Variants in NIBAN1 observed in about 807,000 individuals in gnomAD.
NIBAN1 encodes the protein protein Niban 1.
Under a neutral mutation model 75.1 loss-of-function variants are expected in NIBAN1, and 81 were observed. That is an observed-to-expected ratio of 1.08 (90% CI 0.90 to 1.30). The LOEUF (loss-of-function observed/expected upper bound fraction) is 1.30, where lower values mean the gene tolerates loss of function less well. Among genes scored for constraint, NIBAN1 ranks in the 50% most tolerant of loss-of-function variants. The pLI, the probability that NIBAN1 is intolerant of heterozygous loss-of-function variation, is 0.00. For synonymous variants in NIBAN1, 436 were observed against 424.8 expected (o/e 1.03, Z -0.32); for missense variants, 1,133 against 1,128.1 (o/e 1.00, Z -0.06).
rs771952483 is a variant in NIBAN1 at position 184,805,966 on chromosome 1, CCTT to C, written c.1423_1425del (p.Lys475del). 6.2e-7 allele frequency: 1 copy of C among 1,614,028 alleles called. No individual in the cohort carries two copies. The highest frequency in any genetic ancestry group is 8.5e-7 in the Non-Finnish European group (1 of 1,179,976). On this transcript the variant is annotated inframe_deletion, in exon 11 of 14. Transcript: ENST00000367511. Reference sequence around the variant, plus strand: ...TTTACCTTTAAGACTCGGAGTTTAACCTTCTCAATGGCAACTGCAGTTTTGGAG... The same window carrying C: ...TTTACCTTTAAGACTCGGAGTTTAACCTCAATGGCAACTGCAGTTTTGGAG...
At chr1:184,929,882 A>G (rs1657777907) in intron 1 of NIBAN1, among the ~76,000 whole-genome samples, 1 of 152,226 alleles carries the variant, frequency 6.6e-6, no homozygotes, top group Non-Finnish European at 1.5e-5. Flanking sequence ...TAAACATCAC[A>G]TTTCATCATC....
intron 1 of NIBAN1, among the ~76,000 whole-genome samples, chr1:184,947,434 C>T (rs902381487): frequency 1.1e-4 from 16 of 151,896 alleles, no homozygotes; most frequent in Non-Finnish European, 1.0e-4. Flanking sequence ...TTTATGTTGG[C>T]GATGATGAAA....
intron 1 of NIBAN1, among the ~76,000 whole-genome samples, chr1:184,905,654 C>T (rs576078170): frequency 2.2e-4 from 33 of 152,222 alleles, no homozygotes; most frequent in Non-Finnish European, 2.5e-4. Flanking sequence ...AGTCCCAACC[C>T]GAGTAGAAAC....
At position 184,920,144 on chromosome 1, in the gene NIBAN1, A is replaced by G. The variant is rs1657492513; in HGVS notation, c.56-20835T>C. On this transcript the variant is annotated intron_variant, in intron 1 of 13. Transcript: ENST00000367511. ...AAACCTACAAGACGTGTAAAAATGGAAAATCAAGGCTCTCATCTTAAGAAA... is the reference window on the plus strand; with the variant it reads ...AAACCTACAAGACGTGTAAAAATGGGAAATCAAGGCTCTCATCTTAAGAAA... 2.0e-5 allele frequency among the ~76,000 whole-genome samples: 3 copies of G among 152,174 alleles called. No homozygotes were observed. In the South Asian group the frequency reaches 6.2e-4, roughly 32 times the overall value.
intron 1 of NIBAN1, among the ~76,000 whole-genome samples, chr1:184,914,199 C>T (rs1445508864): frequency 6.6e-6 from 1 of 152,162 alleles, no homozygotes; most frequent in African/African-American, 2.4e-5. Flanking sequence ...TAAGTTGGTT[C>T]CACTACGTAT....
intron 5 of NIBAN1, among the ~76,000 whole-genome samples, chr1:184,845,138 T>C (rs1655401955): frequency 6.6e-6 from 1 of 152,216 alleles, no homozygotes; most frequent in Non-Finnish European, 1.5e-5. Context: ...GGAAAGCATT[T>C]TCCCATTGGG....
intron 5 of NIBAN1, among the ~76,000 whole-genome samples, chr1:184,870,054 T>A (rs905905574): frequency 2.6e-5 from 4 of 152,224 alleles, no homozygotes; most frequent in Non-Finnish European, 2.9e-5. Flanking sequence ...GTTTCTGGGC[T>A]CCTTTCCTCA....
At chr1:184,798,043 T>C (rs1332021822) in intron 13 of NIBAN1, 36 bp downstream of exon 13, 1 of 1,423,502 alleles carries the variant, frequency 7.0e-7, no homozygotes, top group African/African-American at 1.4e-5. Flanking sequence ...CTCCCCTCTA[T>C]GGAGTGTCCC....
chr1:184,914,141 C>G (rs1657320284), intron 1 of NIBAN1, among the ~76,000 whole-genome samples: 1 of 152,208 alleles, frequency 6.6e-6, no homozygotes, highest in Non-Finnish European at 1.5e-5. Context: ...GCTGGACTTA[C>G]AGTGGCACAA....
intron 6 of NIBAN1, among the ~76,000 whole-genome samples, chr1:184,826,515 A>C (rs1324712704): frequency 6.6e-6 from 1 of 152,178 alleles, no homozygotes; most frequent in Non-Finnish European, 1.5e-5. Context: ...ACATCTGCCG[A>C]AAGTGTGGTA....
At chr1:184,973,235 A>G (rs2102099101) in intron 1 of NIBAN1, among the ~76,000 whole-genome samples, 1 of 152,346 alleles carries the variant, frequency 6.6e-6, no homozygotes, top group African/African-American at 2.4e-5. Context: ...AATCTGTAAA[A>G]TCAGCTCCGT....
At chr1:184,952,245 A>G (rs1658375417) in intron 1 of NIBAN1, among the ~76,000 whole-genome samples, 1 of 152,154 alleles carries the variant, frequency 6.6e-6, no homozygotes, top group Non-Finnish European at 1.5e-5. Flanking sequence ...ACAAAAGAAA[A>G]TTGAAAAAAT....
chr1:184,952,938 T>C (rs949398963), intron 1 of NIBAN1, among the ~76,000 whole-genome samples: 1 of 152,178 alleles, frequency 6.6e-6, no homozygotes, highest in Non-Finnish European at 1.5e-5. Context: ...AAGTCTCAAC[T>C]CCATAAATTA....
chr1:184,900,335 C>T (rs1476366709), intron 1 of NIBAN1, among the ~76,000 whole-genome samples: 1 of 152,110 alleles, frequency 6.6e-6, no homozygotes, highest in Non-Finnish European at 1.5e-5. Flanking sequence ...TTCTGTGAGG[C>T]AGAAACCAGC....
At chr1:184,899,807 C>CTTTT (rs66802117) in intron 1 of NIBAN1, among the ~76,000 whole-genome samples, 57 of 100,336 alleles carry the variant, frequency 5.7e-4, no homozygotes, top group Non-Finnish European at 6.8e-4. Context: ...ACATCACTCT[C>CTTTT]TTTTTTTTTT....
intron 1 of NIBAN1, among the ~76,000 whole-genome samples, chr1:184,947,952 C>T (rs1658272137): frequency 6.6e-6 from 1 of 152,146 alleles, no homozygotes; most frequent in African/African-American, 2.4e-5. Context: ...AGAGCAAGCA[C>T]GTGATGTTTA....
chr1:184,931,086 A>G (rs10911657), intron 1 of NIBAN1, among the ~76,000 whole-genome samples: 60,220 of 145,532 alleles, frequency 0.41, 13,848 homozygotes, highest in South Asian at 0.55. Context: ...TGCAACCTCC[A>G]TCTTCTGGGT....
At chr1:184,963,706 A>AT (rs1270716522) in intron 1 of NIBAN1, among the ~76,000 whole-genome samples, 7 of 152,324 alleles carry the variant, frequency 4.6e-5, no homozygotes, top group African/African-American at 1.7e-4. Flanking sequence ...CTTATTAAAC[A>AT]TTTTTGTAAA....
In NIBAN1 at chr1:184,795,295, A is replaced by G. The variant is rs1378573339; in HGVS notation, c.2469T>C (p.Thr823=). 3 of 1,612,636 alleles carry G rather than the reference A, an allele frequency of 1.9e-6. No individual in the cohort carries two copies. The Admixed American group carries it at 5.0e-5, about 27-fold the overall frequency. The part of the protein sequence containing the change: ...GELPGEACTL[T]AHEGRGGKCT... ...ACTTGCCCCCTCTTCCTTCATGGGC[A>G]GTGAGTGTGCAGGCCTCTCCTGGGA... is the stretch of plus-strand genomic sequence containing the variant. The change falls in exon 14 of 14, where the codon ACT becomes ACC. Residue 823 remains threonine (T), a synonymous_variant. Coordinates refer to ENST00000367511, the MANE Select transcript of NIBAN1 (RefSeq NM_052966.4).
Sources: gnomAD v4.1 joint callset for allele counts (sites outside exome capture counted in the v4.1 genomes callset) on GRCh38, gnomAD v4.1.1 for gene constraint, MANE v1.5 for transcripts, NCBI Gene and HGNC (gene_info 2026-07-23, HGNC 2026-07-21) for gene names.